Variants in THSD7B observed in about 807,000 individuals in gnomAD.
The protein encoded by THSD7B is thrombospondin type 1 domain containing 7B.
A neutral mutation model predicts 213.6 loss-of-function variants in THSD7B; 138 were observed. The observed-to-expected ratio is 0.65, with a 90% CI of 0.56 to 0.74. THSD7B has a LOEUF of 0.74. Ranked by LOEUF, THSD7B falls within the 30% of genes least tolerant of loss-of-function variation. The pLI, the probability that THSD7B is intolerant of heterozygous loss-of-function variation, is 0.00. For synonymous variants in THSD7B, 742 were observed against 687.0 expected (o/e 1.08, Z -1.25); for missense variants, 1,931 against 1,991.5 (o/e 0.97, Z 0.58).
At chr2:136,904,935 A>G (rs2105016443) in intron 2 of THSD7B, among the ~76,000 whole-genome samples, 1 of 152,318 alleles carries the variant, frequency 6.6e-6, no homozygotes, top group East Asian at 1.9e-4. Flanking sequence ...GACTCATACA[A>G]TGTTGGAGCG....
At chr2:136,881,537 C>T (rs1035661881) in intron 1 of THSD7B, among the ~76,000 whole-genome samples, 2 of 151,952 alleles carry the variant, frequency 1.3e-5, no homozygotes, top group Non-Finnish European at 2.9e-5. Flanking sequence ...TCATAATAAA[C>T]GTTCTAGCAG....
intron 12 of THSD7B, among the ~76,000 whole-genome samples, chr2:137,282,888 G>T (rs907722329): frequency 2.6e-5 from 4 of 152,130 alleles, no homozygotes; most frequent in African/African-American, 9.7e-5. Flanking sequence ...GGCAATGTGG[G>T]CTCTTTTTTG....
intron 7 of THSD7B, among the ~76,000 whole-genome samples, chr2:137,172,727 G>C (rs995635756): frequency 1.3e-5 from 2 of 152,176 alleles, no homozygotes; most frequent in African/African-American, 4.8e-5. Flanking sequence ...TGGGTCAGAA[G>C]CACAGGCGAC....
At chr2:137,547,325 T>G (rs191539957) in intron 15 of THSD7B, among the ~76,000 whole-genome samples, 70 of 152,152 alleles carry the variant, frequency 4.6e-4, no homozygotes, top group Non-Finnish European at 6.9e-4. Flanking sequence ...GTTCATACTT[T>G]CAAAAGCCAT....
intron 12 of THSD7B, among the ~76,000 whole-genome samples, chr2:137,372,961 T>C (rs1685565126): frequency 1.3e-5 from 2 of 151,334 alleles, no homozygotes; most frequent in African/African-American, 4.9e-5. Flanking sequence ...GGTTTTTTGT[T>C]CTTGCGATAG....
intron 20 of THSD7B, among the ~76,000 whole-genome samples, chr2:137,622,556 G>C (rs992586210): frequency 1.3e-5 from 2 of 152,112 alleles, no homozygotes; most frequent in African/African-American, 4.8e-5. Context: ...TTTTTGAAAA[G>C]ATCAACAAAA....
intron 1 of THSD7B, among the ~76,000 whole-genome samples, chr2:136,877,108 A>G (rs113903335): frequency 0.024 from 942 of 39,880 alleles, 7 homozygotes; most frequent in African/African-American, 0.047. Flanking sequence ...GCTGCTGTCC[A>G]CTAGGGTTCC....
At chr2:136,830,940 G>A (rs1232224658) in intron 1 of THSD7B, among the ~76,000 whole-genome samples, 9 of 152,092 alleles carry the variant, frequency 5.9e-5, no homozygotes, top group Admixed American at 5.2e-4. Flanking sequence ...TTTTAGAAAA[G>A]GAAGCAGTCA....
chr2:137,548,670 A>G (rs1680786081), intron 15 of THSD7B, among the ~76,000 whole-genome samples: 1 of 151,952 alleles, frequency 6.6e-6, no homozygotes, highest in African/African-American at 2.4e-5. Context: ...TGTACAGTTT[A>G]TGAGAATTAC....
rs377625835 is a variant in THSD7B at position 137,378,239 on chromosome 2, T to C, written c.2501-27374T>C. Among the ~76,000 whole-genome samples the C allele has an allele frequency of 2.6e-5, 4 of 152,214 alleles. No homozygotes were observed. In the South Asian group the frequency reaches 8.3e-4, roughly 32 times the overall value. On this transcript the variant is annotated intron_variant, in intron 12 of 27. Coordinates refer to ENST00000409968, the MANE Select transcript of THSD7B (RefSeq NM_001316349.2). The stretch of plus-strand genomic sequence containing the variant: ...CTGACAATGTCTTAAAGAATATGAT[T>C]TATATGCATTTATGATGGTTTTCTT...
chr2:136,951,136 T>C (rs541921204), intron 2 of THSD7B, among the ~76,000 whole-genome samples: 2 of 152,254 alleles, frequency 1.3e-5, no homozygotes, highest in East Asian at 1.9e-4. Context: ...ACATCACTAA[T>C]TGTAGCAGGT....
At chr2:136,801,019 T>C (rs535969235) in intron 1 of THSD7B, among the ~76,000 whole-genome samples, 42 of 152,176 alleles carry the variant, frequency 2.8e-4, no homozygotes, top group Middle Eastern at 3.4e-3. Context: ...ACCTGGAGTT[T>C]TTTTTTCCTT....
chr2:136,966,940 A>G (rs1685325502), intron 2 of THSD7B, among the ~76,000 whole-genome samples: 1 of 151,910 alleles, frequency 6.6e-6, no homozygotes, highest in African/African-American at 2.4e-5. Flanking sequence ...CCCCTCCCCT[A>G]CTAAACTCTG....
At position 137,078,172 on chromosome 2, in the gene THSD7B, T is replaced by C. The variant is rs566973166; in HGVS notation, c.951-16701T>C. On this transcript the variant is annotated intron_variant, in intron 3 of 27. Coordinates refer to ENST00000409968, the MANE Select transcript of THSD7B (RefSeq NM_001316349.2). Reference sequence around the variant, plus strand: ...ATTATTTCTGAGGGCTCTGTTCTGTTCCATTGATCTATATCTCTGTTTTGG... The same window carrying C: ...ATTATTTCTGAGGGCTCTGTTCTGTCCCATTGATCTATATCTCTGTTTTGG... Among the ~76,000 whole-genome samples the C allele has an allele frequency of 2.0e-4, 30 of 152,330 alleles. No homozygotes were observed. The East Asian group carries it at 5.8e-3, about 29-fold the overall frequency.
At chr2:137,270,930 T>C (rs1682718837) in intron 10 of THSD7B, among the ~76,000 whole-genome samples, 1 of 151,906 alleles carries the variant, frequency 6.6e-6, no homozygotes, top group Admixed American at 6.6e-5. Flanking sequence ...CATAGAAAAA[T>C]TAAATACAGA....
intron 1 of THSD7B, among the ~76,000 whole-genome samples, chr2:136,783,054 C>G (rs923954035): frequency 1.3e-5 from 2 of 152,152 alleles, no homozygotes; most frequent in African/African-American, 4.8e-5. Context: ...CGCTGAGTAG[C>G]GTGATTTTCC....
intron 12 of THSD7B, among the ~76,000 whole-genome samples, chr2:137,294,250 T>TA (rs1683403082): frequency 6.6e-6 from 1 of 152,088 alleles, no homozygotes; most frequent in South Asian, 2.1e-4. Flanking sequence ...TTGTTTTCGA[T>TA]AATTTCAGTT....
At chr2:137,104,349 A>G (rs562641987) in intron 4 of THSD7B, among the ~76,000 whole-genome samples, 7 of 152,358 alleles carry the variant, frequency 4.6e-5, no homozygotes, top group Admixed American at 4.6e-4. Context: ...CAAAGACACA[A>G]CATACCAGAA....
intron 12 of THSD7B, among the ~76,000 whole-genome samples, chr2:137,400,666 ATTG>A (rs1686333894): frequency 1.3e-5 from 2 of 152,110 alleles, no homozygotes; most frequent in African/African-American, 4.8e-5. Context: ...TGTGTTAGGA[ATTG>A]TTGTAAAGGG....
Sources: allele counts gnomAD v4.1 joint callset (sites outside exome capture counted in the v4.1 genomes callset), GRCh38; gene constraint gnomAD v4.1.1; transcripts MANE v1.5; gene names NCBI Gene and HGNC (gene_info 2026-07-23, HGNC 2026-07-21).